The following TDRD3 variants were observed in gnomAD, a reference collection of about 807,000 sequenced individuals.
The protein encoded by TDRD3 is tudor domain containing 3.
A neutral mutation model predicts 86.7 loss-of-function variants in TDRD3; 45 were observed. That is an observed-to-expected ratio of 0.52 (90% CI 0.41 to 0.67). The LOEUF (loss-of-function observed/expected upper bound fraction) is 0.67. Ranked by LOEUF, TDRD3 falls within the 30% of genes least tolerant of loss-of-function variation. The pLI, the probability that TDRD3 is intolerant of heterozygous loss-of-function variation, is 0.00. For synonymous variants in TDRD3, 298 were observed against 301.7 expected (o/e 0.99, Z 0.13); for missense variants, 814 against 889.0 (o/e 0.92, Z 1.07).
At chr13:60,562,511 T>C (rs1338894812) in intron 12 of TDRD3, among the ~76,000 whole-genome samples, 2 of 152,216 alleles carry the variant, frequency 1.3e-5, no homozygotes, top group African/African-American at 4.8e-5. Flanking sequence ...TTAGGTTTTA[T>C]ATGAAAATCA....
chr13:60,450,352 T>A (rs192302464), intron 3 of TDRD3, among the ~76,000 whole-genome samples: 1 of 152,312 alleles, frequency 6.6e-6, no homozygotes, highest in East Asian at 1.9e-4. Flanking sequence ...GTTTTTAGTA[T>A]GTAACAAATA....
At chr13:60,525,166 C>CTTTTTTTTTTTTT (rs71199006) in intron 10 of TDRD3, among the ~76,000 whole-genome samples, 1 of 56,092 alleles carries the variant, frequency 1.8e-5, no homozygotes, top group Non-Finnish European at 3.2e-5. Context: ...TAAGGGAATT[C>CTTTTTTTTTTTTT]TTTTTTTTTT....
Position 60,528,844 on chromosome 13 carries a change from C to G in TDRD3, c.1619C>G (p.Thr540Arg), listed in dbSNP as rs1957515350. ...AAACGTGGAAAAAGAGAAAGCCAAA[C>G]ATCTATTCCTGATTATTTTTATGAC... ...NQKRGKRESQ[T>R]SIPDYFYDRK... is the part of the protein sequence containing the mutation. The change falls in exon 11 of 14, where the codon ACA (threonine) becomes AGA (arginine). Residue 540 changes from threonine to arginine, a missense_variant. Physicochemically the swap from Thr to Arg is moderately conservative, Grantham distance 71. Coordinates refer to ENST00000377881, the MANE Select transcript of TDRD3 (RefSeq NM_001146070.2). 6.2e-7 allele frequency: 1 copy of G among 1,613,296 alleles called. No individual in the cohort carries two copies.
At chr13:60,402,719 C>T (rs376293405) in intron 1 of TDRD3, among the ~76,000 whole-genome samples, 5 of 92,608 alleles carry the variant, frequency 5.4e-5, no homozygotes, top group African/African-American at 1.7e-4. Flanking sequence ...TTTTTTGAGA[C>T]GGAGTTTCAC....
chr13:60,396,683 TG>T (rs1953917429), upstream of TDRD3: 1 of 152,398 alleles, frequency 6.6e-6, no homozygotes, highest in African/African-American at 2.4e-5. Flanking sequence ...ATTTTCACTG[TG>T]GTGTCCGACT....
intron 3 of TDRD3, among the ~76,000 whole-genome samples, chr13:60,450,198 C>CT (rs1462862405): frequency 6.6e-6 from 1 of 152,132 alleles, no homozygotes; most frequent in Admixed American, 6.6e-5. Context: ...CCTGAGTGTC[C>CT]TTCCCTCAGC....
chr13:60,475,217 G>A (rs756756578), intron 5 of TDRD3, among the ~76,000 whole-genome samples: 3 of 151,972 alleles, frequency 2.0e-5, no homozygotes, highest in Non-Finnish European at 4.4e-5. Context: ...CCTATAGGTA[G>A]CCTTCCAACT....
In TDRD3 at chr13:60,485,931, G is replaced by T; in HGVS notation, c.700G>T (p.Val234Phe). ...EKQRTAAIAE[V>F]AKSKETKTFG... ...GCAAAGGACGGCTGCTATTGCTGAA[G>T]TTGCAAAGAGCAAGGAAGTAAGAAA... is the stretch of plus-strand genomic sequence containing the variant. The change falls in exon 7 of 14, where the codon GTT becomes TTT. Residue 234 changes from valine (V) to phenylalanine (F), a missense_variant. Coordinates refer to ENST00000377881, the MANE Select transcript of TDRD3 (RefSeq NM_001146070.2). 6.2e-7 allele frequency: 1 copy of T among 1,608,644 alleles called. No individual in the cohort carries two copies.
chr13:60,418,937 C>A (rs1954588954), intron 1 of TDRD3, among the ~76,000 whole-genome samples: 1 of 152,022 alleles, frequency 6.6e-6, no homozygotes, highest in Non-Finnish European at 1.5e-5. Context: ...TTGAGTATAC[C>A]ATAATTTGTT....
At chr13:60,531,269 A>G (rs1957577280) in intron 11 of TDRD3, among the ~76,000 whole-genome samples, 1 of 152,206 alleles carries the variant, frequency 6.6e-6, no homozygotes, top group South Asian at 2.1e-4. Flanking sequence ...CACTATCCAG[A>G]TTCTTATTCT....
Position 60,493,130 on chromosome 13 carries a change from A to G in TDRD3, c.718-1305A>G, listed in dbSNP as rs188106228. Among the ~76,000 whole-genome samples, 514 of 151,286 alleles carry G rather than the reference A, an allele frequency of 3.4e-3. 4 individuals carry two copies. The highest frequency in any genetic ancestry group is 0.012 in the African/African-American group (489 of 41,370). On this transcript the variant is annotated intron_variant, in intron 7 of 13. Transcript: ENST00000377881. ...AAACGGGGTTTCACCGTGTTAGCCA[A>G]GATGGTCTCGATCTCCTGACCTCGT... is the stretch of plus-strand genomic sequence containing the variant.
intron 6 of TDRD3, among the ~76,000 whole-genome samples, chr13:60,484,509 T>C (rs1956385540): frequency 6.6e-6 from 1 of 152,044 alleles, no homozygotes; most frequent in Non-Finnish European, 1.5e-5. Context: ...AACAGATCTG[T>C]GTTTCCATAA....
rs77456213 is a variant in TDRD3 at position 60,423,048 on chromosome 13, G to A, written c.42-16640G>A. 7.4e-3 allele frequency among the ~76,000 whole-genome samples: 1,120 copies of A among 152,154 alleles called. 17 individuals are homozygous for A. Among genetic ancestry groups the A allele is most frequent in the African/African-American group, 0.025 (1,056 of 41,520 alleles). ...TTAAGATAATAAAATCCTTAGGACC[G>A]ACATGAAACAAGTCAAATAAAAGCA... On this transcript the variant is annotated intron_variant, in intron 1 of 13. Coordinates refer to ENST00000377881, the MANE Select transcript of TDRD3 (RefSeq NM_001146070.2).
At chr13:60,483,547 T>G (rs1423492589) in intron 5 of TDRD3, among the ~76,000 whole-genome samples, 1 of 152,164 alleles carries the variant, frequency 6.6e-6, no homozygotes, top group Admixed American at 6.5e-5. Context: ...TCTGAAAGCT[T>G]TATGTGAATA....
Position 60,460,426 on chromosome 13 carries a change from C to T in TDRD3, c.239C>T (p.Ala80Val). 1.2e-6 allele frequency: 2 copies of T among 1,603,942 alleles called. No individual in the cohort carries two copies. The highest frequency in any genetic ancestry group is 1.7e-6 in the Non-Finnish European group (2 of 1,177,438). The change falls in exon 4 of 14, where the codon GCT (alanine) becomes GTT (valine). Residue 80 changes from alanine to valine, a missense_variant. Ala to Val is a moderately conservative substitution (Grantham distance 64, BLOSUM62 0). Coordinates refer to ENST00000377881, the MANE Select transcript of TDRD3 (RefSeq NM_001146070.2). Reference sequence around the variant, plus strand: ...CAAATTCAAAAAATTCGCAATGTTGCTGCACCAAAGGATAATGAAGAATCT... The same window carrying T: ...CAAATTCAAAAAATTCGCAATGTTGTTGCACCAAAGGATAATGAAGAATCT... The part of the protein sequence containing the change: ...VLQIQKIRNV[A>V]APKDNEESQA...
At chr13:60,508,129 G>A (rs201540199) in intron 8 of TDRD3, among the ~76,000 whole-genome samples, 5 of 152,178 alleles carry the variant, frequency 3.3e-5, no homozygotes, top group African/African-American at 9.6e-5. Flanking sequence ...GGATACAAAC[G>A]AATGGAAAAA....
intron 1 of TDRD3, among the ~76,000 whole-genome samples, chr13:60,422,687 G>T (rs1954691980): frequency 6.6e-6 from 1 of 151,864 alleles, no homozygotes; most frequent in Admixed American, 6.6e-5. Flanking sequence ...ATACCCAAGG[G>T]AAAATGGACT....
At chr13:60,452,200 GTT>G (rs1266992645) in intron 3 of TDRD3, among the ~76,000 whole-genome samples, 1 of 152,096 alleles carries the variant, frequency 6.6e-6, no homozygotes, top group Non-Finnish European at 1.5e-5. Flanking sequence ...TTCCCATAAA[GTT>G]TTATAATTTA....
At chr13:60,514,893 A>G (rs1428443408) in intron 10 of TDRD3, among the ~76,000 whole-genome samples, 3 of 152,256 alleles carry the variant, frequency 2.0e-5, no homozygotes, top group Admixed American at 6.5e-5. Context: ...TTGAAAACAG[A>G]CAATAGTTGT....
Sources: allele counts gnomAD v4.1 joint callset (sites outside exome capture counted in the v4.1 genomes callset), GRCh38; gene constraint gnomAD v4.1.1; transcripts MANE v1.5; gene names NCBI Gene and HGNC (gene_info 2026-07-23, HGNC 2026-07-21).